ACOT1: variants seen among roughly 807,000 people sequenced by gnomAD.
ACOT1 encodes acyl-coenzyme A thioesterase 1.
A neutral mutation model predicts 15.7 loss-of-function variants in ACOT1; 8 were observed. That is an observed-to-expected ratio of 0.51 (90% CI 0.30 to 0.92). The LOEUF (loss-of-function observed/expected upper bound fraction) is 0.92. Among genes scored for constraint, ACOT1 ranks in the 40% least tolerant of loss-of-function variants. The probability of loss-of-function intolerance (pLI) is 0.06; values close to 1 mark genes in which losing one functional copy is unlikely to be tolerated. For missense variants in ACOT1, 151 were observed against 539.4 expected (o/e 0.28, Z 7.13); for synonymous variants, 67 against 241.2 (o/e 0.28, Z 6.69).
the ACOT1 span, among the ~76,000 whole-genome samples, chr14:73,525,158 T>C: frequency 6.6e-6 from 1 of 152,174 alleles, no homozygotes; most frequent in Non-Finnish European, 1.5e-5. Flanking sequence ...GCCTCCCAAG[T>C]AGCTGGGACT....
the ACOT1 span, chr14:73,508,078 C>A: frequency 1.3e-6 from 2 of 1,518,580 alleles, no homozygotes; most frequent in South Asian, 1.1e-5. Flanking sequence ...CATTCACTGA[C>A]CTCAAAGACC....
At chr14:73,521,959 A>G in the ACOT1 span, among the ~76,000 whole-genome samples, 1 of 152,222 alleles carries the variant, frequency 6.6e-6, no homozygotes, top group South Asian at 2.1e-4. Context: ...TCTTGGAGAC[A>G]TCTGGCAGTG....
chr14:73,520,747 A>G, the ACOT1 span: 3 of 1,060,754 alleles, frequency 2.8e-6, no homozygotes, highest in Non-Finnish European at 4.2e-6. Context: ...TGGGTCATCC[A>G]GGGCCTCTTG....
At chr14:73,515,165 C>T in the ACOT1 span, among the ~76,000 whole-genome samples, 46 of 151,844 alleles carry the variant, frequency 3.0e-4, no homozygotes, top group African/African-American at 1.1e-3. Context: ...AGAAAAAAAG[C>T]TCTATGGAGA....
At chr14:73,500,326 C>CT in the ACOT1 span, among the ~76,000 whole-genome samples, 1 of 147,084 alleles carries the variant, frequency 6.8e-6, no homozygotes, top group African/African-American at 2.5e-5. Flanking sequence ...TGTTAGTGTA[C>CT]TTTATATGTG....
the ACOT1 span, among the ~76,000 whole-genome samples, chr14:73,511,451 G>A: frequency 6.6e-6 from 1 of 151,704 alleles, no homozygotes; most frequent in Non-Finnish European, 1.5e-5. Flanking sequence ...CCTGGGAGGT[G>A]GAGGTTGCAG....
chr14:73,521,851 G>A, the ACOT1 span, among the ~76,000 whole-genome samples: 1 of 152,314 alleles, frequency 6.6e-6, no homozygotes, highest in Non-Finnish European at 1.5e-5. Flanking sequence ...CACCTGGTTG[G>A]TAACTACACC....
chr14:73,520,511 G>A, the ACOT1 span: 40 of 190,254 alleles, frequency 2.1e-4, no homozygotes, highest in African/African-American at 6.7e-4. Flanking sequence ...AGAATATCTC[G>A]AAGTGGGAGA....
chr14:73,496,743 A>G, the ACOT1 span: 1 of 882,618 alleles, frequency 1.1e-6, no homozygotes, highest in Non-Finnish European at 1.9e-6. Context: ...ATGGGGGTAG[A>G]AAATATAGGA....
the ACOT1 span, among the ~76,000 whole-genome samples, chr14:73,524,912 CAGCACATAGCCTCTCTCCCTAGGGCATG>C: frequency 6.6e-6 from 1 of 152,136 alleles, no homozygotes; most frequent in African/African-American, 2.4e-5. Flanking sequence ...CCTTAACACC[CAGCACATAGCCTCTCTCCCTAGGGCATG>C]ATTTCTCTTA....
the ACOT1 span, among the ~76,000 whole-genome samples, chr14:73,513,169 A>G: frequency 6.6e-6 from 1 of 152,220 alleles, no homozygotes; most frequent in Non-Finnish European, 1.5e-5. Context: ...AAACAATAAG[A>G]TAGGGTCGCC....
At chr14:73,508,747 GT>G in the ACOT1 span, among the ~76,000 whole-genome samples, 1 of 78,782 alleles carries the variant, frequency 1.3e-5, no homozygotes, top group Non-Finnish European at 2.1e-5. Context: ...GTGAAACTCT[GT>G]CTCAAAAAAA....
chr14:73,508,176 C>T, the ACOT1 span: 2 of 1,614,086 alleles, frequency 1.2e-6, no homozygotes, highest in Non-Finnish European at 1.7e-6. Flanking sequence ...AAGACTGTTC[C>T]TCAGTGTCCT....
At chr14:73,508,023 G>A in the ACOT1 span, 2 of 1,019,338 alleles carry the variant, frequency 2.0e-6, no homozygotes, top group Non-Finnish European at 3.0e-6. Context: ...TGGGATTACA[G>A]GCATAAGCCA....
chr14:73,517,871 G>A, the ACOT1 span, among the ~76,000 whole-genome samples: 271 of 152,000 alleles, frequency 1.8e-3, 1 homozygote, highest in African/African-American at 6.2e-3. Flanking sequence ...GACAGATCAC[G>A]AGGTCAAGAG....
the ACOT1 span, chr14:73,492,191 G>T: frequency 6.2e-7 from 1 of 1,614,000 alleles, no homozygotes; most frequent in Non-Finnish European, 8.5e-7. The surrounding 1 kb of genome is among the most constrained non-coding windows in gnomAD (Gnocchi z 4.9). Context: ...GACCGTGCTG[G>T]AACCTGGAGA....
At chr14:73,508,090 A>C in the ACOT1 span, 8 of 1,581,146 alleles carry the variant, frequency 5.1e-6, no homozygotes, top group African/African-American at 1.1e-4. Flanking sequence ...TCAAAGACCT[A>C]ATTGCTCCCC....
At chr14:73,500,864 T>G in the ACOT1 span, 26 of 727,550 alleles carry the variant, frequency 3.6e-5, no homozygotes, top group South Asian at 4.9e-4. Flanking sequence ...GCTCATGAGA[T>G]AAGTTTTACT....
At chr14:73,528,409 A>AAC in the ACOT1 span, among the ~76,000 whole-genome samples, 4 of 148,402 alleles carry the variant, frequency 2.7e-5, no homozygotes, top group Non-Finnish European at 6.1e-5. Context: ...AAAAAAAAAA[A>AAC]AAAAACTTAA....
Sources: allele counts gnomAD v4.1 joint callset (sites outside exome capture counted in the v4.1 genomes callset), GRCh38; gene constraint gnomAD v4.1.1; non-coding constraint Gnocchi (gnomAD v3.1); transcripts MANE v1.5; gene names NCBI Gene and HGNC (gene_info 2026-07-23, HGNC 2026-07-21).